Variants in PHACTR1 observed in about 807,000 individuals in gnomAD.
The protein encoded by PHACTR1 is RPEL repeat containing 1.
Under a neutral mutation model 69.2 loss-of-function variants are expected in PHACTR1, and 16 were observed. The observed-to-expected ratio is 0.23, with a 90% CI of 0.16 to 0.35. The LOEUF (loss-of-function observed/expected upper bound fraction) is 0.35, where lower values mean the gene tolerates loss of function less well. PHACTR1 is among the 10% of genes least tolerant of loss of function. PHACTR1 has a pLI of 1.00. For missense variants in PHACTR1, 510 were observed against 734.7 expected (o/e 0.69, Z 3.54); for synonymous variants, 312 against 284.5 (o/e 1.10, Z -0.97).
At chr6:12,992,032 A>G (rs1411546092) in intron 4 of PHACTR1, among the ~76,000 whole-genome samples, 3 of 151,960 alleles carry the variant, frequency 2.0e-5, no homozygotes, top group Non-Finnish European at 2.9e-5. Context: ...GACAACACAC[A>G]CATTGTTATT....
intron 10 of PHACTR1, among the ~76,000 whole-genome samples, chr6:13,260,975 A>G (rs1288396686): frequency 6.6e-6 from 1 of 152,208 alleles, no homozygotes; most frequent in South Asian, 2.1e-4. Flanking sequence ...GGGCTGTCCC[A>G]TGCATTGGAA....
At chr6:12,758,456 ACT>A (rs1332623409) in intron 4 of PHACTR1, among the ~76,000 whole-genome samples, 4 of 133,958 alleles carry the variant, frequency 3.0e-5, no homozygotes, top group Non-Finnish European at 4.7e-5. Context: ...AAAGAGCGAG[ACT>A]CTCTTTCTAA....
At chr6:12,722,403 T>G (rs765290690) in intron 3 of PHACTR1, among the ~76,000 whole-genome samples, 1 of 152,230 alleles carries the variant, frequency 6.6e-6, no homozygotes, top group Non-Finnish European at 1.5e-5. Context: ...GTATTAGTCA[T>G]GTGCAAAATC....
intron 3 of PHACTR1, among the ~76,000 whole-genome samples, chr6:12,742,771 T>C (rs1216051669): frequency 1.3e-5 from 2 of 152,134 alleles, no homozygotes; most frequent in East Asian, 1.9e-4. Context: ...TATTAGGGTC[T>C]CTGGTACTCA....
chr6:12,871,337 A>G lies in PHACTR1; in HGVS notation c.250+121547A>G, dbSNP rs1380279018. ...GCCTCAAAACGCTTCCCTGTGTCCA[A>G]ATGTTCTAATAATTTTACAAATGGC... On this transcript the variant is annotated intron_variant, in intron 4 of 14. Transcript: ENST00000332995. Among the ~76,000 whole-genome samples, 4 of 152,154 alleles carry G rather than the reference A, an allele frequency of 2.6e-5. No individual in the cohort carries two copies. The South Asian group carries it at 6.2e-4, about 24-fold the overall frequency.
intron 4 of PHACTR1, among the ~76,000 whole-genome samples, chr6:12,906,358 G>T: frequency 6.6e-6 from 1 of 152,054 alleles, no homozygotes; most frequent in Non-Finnish European, 1.5e-5. Context: ...GTGCTCAAGG[G>T]GTCAGCCTTT....
chr6:13,070,397 C>T (rs1192138423), intron 5 of PHACTR1, among the ~76,000 whole-genome samples: 1 of 152,194 alleles, frequency 6.6e-6, no homozygotes, highest in Non-Finnish European at 1.5e-5. Flanking sequence ...TAGCTGCAAT[C>T]TGGCTCTCAG....
intron 4 of PHACTR1, among the ~76,000 whole-genome samples, chr6:12,750,761 A>G (rs1485889487): frequency 3.3e-5 from 5 of 152,188 alleles, no homozygotes; most frequent in African/African-American, 9.6e-5. Context: ...GAAGTTGTTC[A>G]CCACTAACTT....
intron 10 of PHACTR1, among the ~76,000 whole-genome samples, chr6:13,237,285 G>A (rs1183780224): frequency 6.6e-6 from 1 of 152,014 alleles, no homozygotes; most frequent in Non-Finnish European, 1.5e-5. Context: ...GCTAAGGTAG[G>A]AGGATCCCTT....
rs78049420 is a variant in PHACTR1, at chr6:13,054,973, C to T, written c.415+1444C>T. Reference sequence around the variant, plus strand: ...TGGGTTTCCTGCCTCTTTGCCTCACCCCTAAACTAACCTTGAAATAGGAGA... The same window carrying T: ...TGGGTTTCCTGCCTCTTTGCCTCACTCCTAAACTAACCTTGAAATAGGAGA... On this transcript the variant is annotated intron_variant, in intron 5 of 14. Transcript: ENST00000332995. Among the ~76,000 whole-genome samples the T allele has an allele frequency of 9.8e-3, 1,492 of 152,274 alleles. 41 individuals are homozygous for T. The highest frequency in any genetic ancestry group is 0.088 in the East Asian group (453 of 5,174).
In PHACTR1 at chr6:13,206,224, T is replaced by A. The variant is rs1315138867; in HGVS notation, c.986+88T>A. 16 of 1,306,986 alleles carry A rather than the reference T, an allele frequency of 1.2e-5. No individual in the cohort carries two copies. In the East Asian group the frequency reaches 3.9e-4, roughly 31 times the overall value. 81.0% of individuals were successfully genotyped at this position (1,306,986 alleles called of 1,614,324 possible). On this transcript the variant is annotated intron_variant, in intron 8 of 14. Coordinates refer to ENST00000332995, the MANE Select transcript of PHACTR1 (RefSeq NM_030948.6). ...GGATTTGGACCATGACTTAGGAATG[T>A]GAACAAGGGGTCATCCCCACTGGGG...
chr6:13,225,220 T>C (rs1436373534), intron 8 of PHACTR1, among the ~76,000 whole-genome samples: 1 of 152,234 alleles, frequency 6.6e-6, no homozygotes, highest in South Asian at 2.1e-4. Flanking sequence ...ATTAATAGAA[T>C]GTTTTACAAT....
intron 7 of PHACTR1, among the ~76,000 whole-genome samples, chr6:13,200,358 G>A (rs1470444559): frequency 6.6e-6 from 1 of 152,028 alleles, no homozygotes; most frequent in Admixed American, 6.5e-5. Context: ...TTGCAGGCAC[G>A]TGCCACCACG....
rs559595331 is a variant in PHACTR1 at position 13,180,109 on chromosome 6, A to G, written c.497-2410A>G. 4.7e-3 allele frequency among the ~76,000 whole-genome samples: 712 copies of G among 152,324 alleles called. 4 individuals are homozygous for G. Among genetic ancestry groups the G allele is most frequent in the African/African-American group, 0.016 (684 of 41,572 alleles). ...AATCATTAAGATGATAGTTATGCTTATAATAGTATGGGGGAAGCAAGCTAT... is the reference window on the plus strand; with the variant it reads ...AATCATTAAGATGATAGTTATGCTTGTAATAGTATGGGGGAAGCAAGCTAT... On this transcript the variant is annotated intron_variant, in intron 6 of 14. Coordinates refer to ENST00000332995, the MANE Select transcript of PHACTR1 (RefSeq NM_030948.6).
intron 5 of PHACTR1, among the ~76,000 whole-genome samples, chr6:13,097,976 G>A (rs766048138): frequency 6.6e-6 from 1 of 152,094 alleles, no homozygotes; most frequent in Non-Finnish European, 1.5e-5. Context: ...AGATTAGCAT[G>A]TGTCCTGTTC....
rs543638559 is a variant in PHACTR1 at position 13,143,559 on chromosome 6, A to G, written c.416-16645A>G. On this transcript the variant is annotated intron_variant, in intron 5 of 14. Coordinates refer to ENST00000332995, the MANE Select transcript of PHACTR1 (RefSeq NM_030948.6). ...CTGGGGCCTGAGATTCTGCATTTTA[A>G]AAAATGTTTTTACATTTTCAATTGT... 1.5e-3 allele frequency among the ~76,000 whole-genome samples: 222 copies of G among 152,342 alleles called. 1 individual carries two copies. Among genetic ancestry groups the G allele is most frequent in the South Asian group, 4.1e-3 (20 of 4,832 alleles).
intron 4 of PHACTR1, among the ~76,000 whole-genome samples, chr6:12,948,022 T>C (rs1790868084): frequency 6.6e-6 from 1 of 152,216 alleles, no homozygotes. Context: ...ACCCTAATGT[T>C]CTCCTCTGTT....
At chr6:13,038,488 TAAAAAA>T (rs34433834) in intron 4 of PHACTR1, among the ~76,000 whole-genome samples, 9 of 124,170 alleles carry the variant, frequency 7.2e-5, no homozygotes, top group South Asian at 2.6e-4. Context: ...TTCAAGTGTT[TAAAAAA>T]AAAAAAAAAA....
intron 3 of PHACTR1, among the ~76,000 whole-genome samples, chr6:12,736,880 T>C (rs1161340089): frequency 6.6e-6 from 1 of 152,168 alleles, no homozygotes; most frequent in East Asian, 1.9e-4. Context: ...CTCTCTTGTC[T>C]CTATTGATCT....
Sources: gnomAD v4.1 joint callset for allele counts (sites outside exome capture counted in the v4.1 genomes callset) on GRCh38, gnomAD v4.1.1 for gene constraint, MANE v1.5 for transcripts, NCBI Gene and HGNC (gene_info 2026-07-23, HGNC 2026-07-21) for gene names.